Variants in ANKS1B observed in about 807,000 individuals in gnomAD.
ANKS1B encodes the protein ankyrin repeat and sterile alpha motif domain containing 1B.
A neutral mutation model predicts 148.3 loss-of-function variants in ANKS1B; 36 were observed. The observed-to-expected ratio is 0.24, with a 90% CI of 0.19 to 0.32. The LOEUF is 0.32. Among genes scored for constraint, ANKS1B ranks in the 10% least tolerant of loss-of-function variants. The pLI is 1.00. For synonymous variants in ANKS1B, 542 were observed against 560.8 expected, an observed-to-expected ratio of 0.97 and a Z score of 0.47; for missense variants, 1,157 against 1,542.6, an observed-to-expected ratio of 0.75 and a Z score of 4.19.
rs1438715482 is a variant in ANKS1B, at chr12:99,433,708, T to C, written c.1575+9965A>G. On this transcript the variant is annotated intron_variant, in intron 11 of 26. Transcript: ENST00000683438. ...GACATGAGCCTGGAGTTCAGGGAAG[T>C]GGGCAGGCCTGGAGATACAAATTTA... Among the ~76,000 whole-genome samples the C allele has an allele frequency of 2.6e-5, 4 of 152,178 alleles. No homozygotes were observed. In the South Asian group the frequency reaches 8.3e-4, roughly 32 times the overall value.
chr12:99,202,048 C>T (rs1367916942), intron 14 of ANKS1B, among the ~76,000 whole-genome samples: 3 of 152,168 alleles, frequency 2.0e-5, no homozygotes, highest in Non-Finnish European at 4.4e-5. Context: ...AAATAATCCA[C>T]AGTCTAGAAG....
At chr12:99,528,118 G>A (rs554551006) in intron 9 of ANKS1B, among the ~76,000 whole-genome samples, 4 of 152,070 alleles carry the variant, frequency 2.6e-5, no homozygotes, top group South Asian at 2.1e-4. Context: ...AACAAGCAAC[G>A]GGAAAAGTAC....
intron 8 of ANKS1B, among the ~76,000 whole-genome samples, chr12:99,681,397 TAAAC>T (rs1341459284): frequency 6.6e-6 from 1 of 152,002 alleles, no homozygotes; most frequent in African/African-American, 2.4e-5. Context: ...ACCAGAACAA[TAAAC>T]AAAATTACAA....
chr12:99,243,720 T>C (rs1279776953), intron 14 of ANKS1B, among the ~76,000 whole-genome samples: 2 of 152,212 alleles, frequency 1.3e-5, no homozygotes, highest in Non-Finnish European at 2.9e-5. Context: ...GCTCATGTCC[T>C]TTGCAGGGAC....
chr12:98,845,124 G>A (rs1411633036), intron 17 of ANKS1B, among the ~76,000 whole-genome samples: 3 of 152,068 alleles, frequency 2.0e-5, no homozygotes, highest in Non-Finnish European at 4.4e-5. Context: ...AATGGGGAGG[G>A]AATGAACCCA....
At chr12:98,847,605 T>C (rs2099488492) in intron 17 of ANKS1B, among the ~76,000 whole-genome samples, 1 of 148,138 alleles carries the variant, frequency 6.8e-6, no homozygotes, top group Non-Finnish European at 1.5e-5. Flanking sequence ...TAATTTTTTT[T>C]CTTCTTTTGA....
chr12:99,674,110 T>C (rs907011810), intron 8 of ANKS1B, among the ~76,000 whole-genome samples: 1 of 151,704 alleles, frequency 6.6e-6, no homozygotes, highest in Non-Finnish European at 1.5e-5. Context: ...AATAAAGAAA[T>C]ACATGTCAAG....
chr12:99,953,820 C>A (rs752166300), intron 1 of ANKS1B, among the ~76,000 whole-genome samples: 3 of 152,026 alleles, frequency 2.0e-5, no homozygotes, highest in Admixed American at 6.6e-5. Context: ...GAGAGAGACA[C>A]CAGAAAAAAT....
At chr12:99,642,030 T>G (rs2098313205) in intron 9 of ANKS1B, among the ~76,000 whole-genome samples, 1 of 152,214 alleles carries the variant, frequency 6.6e-6, no homozygotes, top group Non-Finnish European at 1.5e-5. Flanking sequence ...ATCACTGCAC[T>G]TGGAATGTGG....
At chr12:99,187,394 T>A (rs1208944513) in intron 14 of ANKS1B, among the ~76,000 whole-genome samples, 2 of 152,030 alleles carry the variant, frequency 1.3e-5, no homozygotes, top group Non-Finnish European at 2.9e-5. Context: ...AATTGTCCGA[T>A]TCACCAAGGT....
At chr12:99,263,227 C>T (rs1350726379) in intron 12 of ANKS1B, among the ~76,000 whole-genome samples, 2 of 152,152 alleles carry the variant, frequency 1.3e-5, no homozygotes, top group East Asian at 1.9e-4. Context: ...ATTTGCAGTT[C>T]TAAAATGAGG....
At chr12:99,962,872 G>A (rs1000376631) in intron 1 of ANKS1B, among the ~76,000 whole-genome samples, 6 of 146,204 alleles carry the variant, frequency 4.1e-5, no homozygotes, top group Non-Finnish European at 1.5e-5. Context: ...GGAGTGCAGT[G>A]GCATGATCTC....
intron 14 of ANKS1B, among the ~76,000 whole-genome samples, chr12:99,183,501 G>C (rs549108240): frequency 6.6e-6 from 1 of 152,246 alleles, no homozygotes; most frequent in African/African-American, 2.4e-5. Flanking sequence ...AAATTAGCCA[G>C]GCGTGGTGGT....
rs1597741693 is a variant in ANKS1B at position 98,967,805 on chromosome 12, T to C, written c.2778+85352A>G. Among the ~76,000 whole-genome samples, 3 of 143,618 alleles carry C rather than the reference T, an allele frequency of 2.1e-5. No individual in the cohort carries two copies. In the East Asian group the frequency reaches 6.3e-4, roughly 30 times the overall value. 94.2% of individuals were successfully genotyped at this position (143,618 alleles called of 152,430 possible). A position where few individuals can be genotyped will look rare whatever the true frequency, so the allele number is the denominator to read the frequency against. On this transcript the variant is annotated intron_variant, in intron 17 of 26. Transcript: ENST00000683438. ...GGTTCCAAATTGATCACCTAAATCA[T>C]ACAGTCCTTTATCAAAATGCCTGGA...
chr12:98,780,123 G>A (rs1054368844), intron 24 of ANKS1B, among the ~76,000 whole-genome samples: 1 of 152,158 alleles, frequency 6.6e-6, no homozygotes, highest in African/African-American at 2.4e-5. Context: ...AAATCCAGTT[G>A]CCTTGGCCCT....
At chr12:99,497,806 C>T (rs950222259) in intron 10 of ANKS1B, among the ~76,000 whole-genome samples, 29 of 151,962 alleles carry the variant, frequency 1.9e-4, no homozygotes, top group Non-Finnish European at 1.6e-4. Flanking sequence ...CCTCTTAAGA[C>T]TTGATCACCC....
rs192735084 is a variant in ANKS1B at position 99,708,092 on chromosome 12, C to G, written c.1129-52882G>C. ...GCTGTCACAATCAGACAAGCTGCCT[C>G]CATCATAAAATAATGCAAGCCAAAT... On this transcript the variant is annotated intron_variant, in intron 8 of 26. Transcript: ENST00000683438. 3.6e-3 allele frequency among the ~76,000 whole-genome samples: 552 copies of G among 152,208 alleles called. 5 individuals are homozygous for G. The highest frequency in any genetic ancestry group is 0.024 in the Middle Eastern group (7 of 294).
intron 9 of ANKS1B, among the ~76,000 whole-genome samples, chr12:99,590,258 C>CCACCCACACACA (rs1555503127): frequency 3.0e-5 from 4 of 132,804 alleles, no homozygotes; most frequent in African/African-American, 1.1e-4. Context: ...CCACACCCAC[C>CCACCCACACACA]CACACACACA....
At chr12:99,890,085 G>A (rs1322540568) in intron 1 of ANKS1B, among the ~76,000 whole-genome samples, 3 of 152,234 alleles carry the variant, frequency 2.0e-5, no homozygotes, top group South Asian at 2.1e-4. Context: ...AAGCATGGTC[G>A]CTGATTAACT....
Sources: allele counts gnomAD v4.1 joint callset (sites outside exome capture counted in the v4.1 genomes callset), GRCh38; gene constraint gnomAD v4.1.1; transcripts MANE v1.5; gene names NCBI Gene and HGNC (gene_info 2026-07-23, HGNC 2026-07-21).